HRH2: variants seen among roughly 807,000 people sequenced by gnomAD.
HRH2 encodes the protein histamine H2 receptor.
A neutral mutation model predicts 20.1 loss-of-function variants in HRH2; 4 were observed. The observed-to-expected ratio is 0.20, with a 90% CI of 0.10 to 0.45. The LOEUF (loss-of-function observed/expected upper bound fraction) is 0.45. HRH2 is among the 20% of genes least tolerant of loss of function. The probability of loss-of-function intolerance (pLI) is 0.99; values close to 1 mark genes in which losing one functional copy is unlikely to be tolerated. For synonymous variants in HRH2, 197 were observed against 200.7 expected (o/e 0.98, Z 0.16); for missense variants, 250 against 461.6 (o/e 0.54, Z 4.20).
intron 1 of HRH2, among the ~76,000 whole-genome samples, chr5:175,672,570 T>A (rs1002000635): frequency 1.3e-5 from 2 of 152,234 alleles, no homozygotes; most frequent in African/African-American, 4.8e-5. Context: ...TACCTGACAC[T>A]TTCAAAGTAC....
At chr5:175,701,897 A>G (rs1464606683) in intron 2 of HRH2, among the ~76,000 whole-genome samples, 1 of 152,236 alleles carries the variant, frequency 6.6e-6, no homozygotes, top group East Asian at 1.9e-4. Context: ...AATAGCTTCC[A>G]GTGTTCTGGC....
intron 1 of HRH2, among the ~76,000 whole-genome samples, chr5:175,678,659 G>A (rs1228610356): frequency 6.6e-6 from 1 of 152,342 alleles, no homozygotes; most frequent in East Asian, 1.9e-4. Flanking sequence ...AAGGGGCGTC[G>A]GGCACAGCGG....
intron 2 of HRH2, among the ~76,000 whole-genome samples, chr5:175,703,454 GCT>G (rs1282591911): frequency 6.6e-6 from 1 of 152,084 alleles, no homozygotes; most frequent in African/African-American, 2.4e-5. Context: ...AGCCATAATG[GCT>G]CATATTTTTA....
chr5:175,689,434 G>T (rs560406306), intron 2 of HRH2, among the ~76,000 whole-genome samples: 3 of 152,214 alleles, frequency 2.0e-5, no homozygotes, highest in African/African-American at 7.2e-5. Flanking sequence ...ACCCTAACAC[G>T]TGGCACTGTG....
intron 1 of HRH2, among the ~76,000 whole-genome samples, chr5:175,675,048 C>T (rs1195044122): frequency 6.6e-6 from 1 of 152,210 alleles, no homozygotes; most frequent in Non-Finnish European, 1.5e-5. Context: ...GCTGACAGAC[C>T]TCGGTTCAAA....
At chr5:175,694,472 C>A (rs1756501528) in intron 2 of HRH2, among the ~76,000 whole-genome samples, 1 of 152,128 alleles carries the variant, frequency 6.6e-6, no homozygotes, top group Admixed American at 6.5e-5. Flanking sequence ...TCTCCCTGGC[C>A]CTATCCAAAG....
At chr5:175,690,785 A>G (rs1248611851) in intron 2 of HRH2, among the ~76,000 whole-genome samples, 1 of 151,830 alleles carries the variant, frequency 6.6e-6, no homozygotes, top group Non-Finnish European at 1.5e-5. Context: ...GCACCTTCAC[A>G]CCGAGGTGGC....
chr5:175,701,505 G>A (rs769057241), intron 2 of HRH2, among the ~76,000 whole-genome samples: 4 of 152,124 alleles, frequency 2.6e-5, no homozygotes, highest in East Asian at 1.9e-4. Context: ...ATCCTCAGCC[G>A]GAGTCTTCCC....
At chr5:175,697,556 C>T (rs1233630411) in intron 2 of HRH2, among the ~76,000 whole-genome samples, 2 of 151,986 alleles carry the variant, frequency 1.3e-5, no homozygotes, top group Non-Finnish European at 2.9e-5. Flanking sequence ...ATATGCCTTG[C>T]CAGAGAGGCA....
Position 175,708,764 on chromosome 5 carries a change from C to T in HRH2, c.*793C>T, listed in dbSNP as rs1757017231. On this transcript the variant is annotated 3_prime_UTR_variant, in exon 3 of 3. Transcript: ENST00000636584. Reference sequence around the variant, plus strand: ...CTTGACTCAGCCACCTTCCTCCTAGCAAGGCTTAGACCCCCAGGCTCTGGG... The same window carrying T: ...CTTGACTCAGCCACCTTCCTCCTAGTAAGGCTTAGACCCCCAGGCTCTGGG... The T allele has an allele frequency of 6.6e-6, 1 of 152,234 alleles. No individual in the cohort carries two copies. The highest frequency in any genetic ancestry group is 1.5e-5 in the Non-Finnish European group (1 of 68,090). 9.4% of individuals were successfully genotyped at this position (152,234 alleles called of 1,614,324 possible).
In HRH2 at chr5:175,687,072, T is replaced by C. The variant is rs1398138814; in HGVS notation, c.1076+2763T>C. On this transcript the variant is annotated intron_variant, in intron 2 of 2. Transcript: ENST00000636584. The surrounding 1 kb of genome is among the most constrained non-coding windows in gnomAD (Gnocchi z 5.2). ...GGGCCAGATCCGAGTCCAGAGCCCA[T>C]GCTCCTGGAGATCACGGCTATGGTC... 6.6e-6 allele frequency among the ~76,000 whole-genome samples: 1 copy of C among 152,104 alleles called. No individual in the cohort carries two copies. Among genetic ancestry groups the C allele is most frequent in the South Asian group, 2.1e-4 (1 of 4,824 alleles).
chr5:175,659,024 C>T (rs935562486), intron 1 of HRH2, among the ~76,000 whole-genome samples: 1 of 152,188 alleles, frequency 6.6e-6, no homozygotes, highest in African/African-American at 2.4e-5. Flanking sequence ...GCGGTTGCCT[C>T]TTGGGAAGTC....
At chr5:175,703,972 G>A (rs1021921380) in intron 2 of HRH2, 4 of 152,130 alleles carry the variant, frequency 2.6e-5, no homozygotes, top group Non-Finnish European at 5.9e-5. Flanking sequence ...GTGCAAGTAT[G>A]ACATGCAAAT....
At chr5:175,660,242 A>T (rs1017749241) in intron 1 of HRH2, among the ~76,000 whole-genome samples, 1 of 152,208 alleles carries the variant, frequency 6.6e-6, no homozygotes, top group Non-Finnish European at 1.5e-5. Context: ...CAGGCTAGAG[A>T]GGTTCCTTTG....
At chr5:175,702,313 A>C (rs1756811519) in intron 2 of HRH2, among the ~76,000 whole-genome samples, 1 of 152,202 alleles carries the variant, frequency 6.6e-6, no homozygotes, top group Admixed American at 6.5e-5. Flanking sequence ...CAGATGGAAG[A>C]AATGAATGAA....
At position 175,693,217 on chromosome 5, in the gene HRH2, C is replaced by T. The variant is rs915320639; in HGVS notation, c.1076+8908C>T. 1.3e-5 allele frequency among the ~76,000 whole-genome samples: 2 copies of T among 152,286 alleles called. No individual in the cohort carries two copies. Among genetic ancestry groups the T allele is most frequent in the East Asian group, 1.9e-4 (1 of 5,174 alleles). Reference sequence around the variant, plus strand: ...CCTGTTTTGGGGGCTTCATTACGCTCGCAGTGGCTGTTTGTGGCAGAGCAT... The same window carrying T: ...CCTGTTTTGGGGGCTTCATTACGCTTGCAGTGGCTGTTTGTGGCAGAGCAT... On this transcript the variant is annotated intron_variant, in intron 2 of 2. Coordinates refer to ENST00000636584, the MANE Select transcript of HRH2 (RefSeq NM_001367711.1). The surrounding 1 kb of genome is among the most constrained non-coding windows in gnomAD (Gnocchi z 4.4).
intron 2 of HRH2, among the ~76,000 whole-genome samples, chr5:175,702,093 G>T (rs1034796497): frequency 2.0e-5 from 3 of 152,128 alleles, no homozygotes; most frequent in Non-Finnish European, 4.4e-5. Flanking sequence ...TGCACGGCAT[G>T]GGGGGCAAGT....
At position 175,677,363 on chromosome 5, in the gene HRH2, G is replaced by T. The variant is rs1262864883; in HGVS notation, c.-525-5346G>T. Among the ~76,000 whole-genome samples, 1 of 152,232 alleles carries T rather than the reference G, an allele frequency of 6.6e-6. No homozygotes were observed. The highest frequency in any genetic ancestry group is 1.5e-5 in the Non-Finnish European group (1 of 68,034). On this transcript the variant is annotated intron_variant, in intron 1 of 2. Transcript: ENST00000636584. The surrounding 1 kb of genome is among the most constrained non-coding windows in gnomAD (Gnocchi z 4.2). ...TATCTTAGCTACTGTGAATAGTGCT[G>T]TGAAAAACATGAGCTCAGGTATCTT...
At chr5:175,685,320 G>A in intron 2 of HRH2, 1 of 1,280,808 alleles carries the variant, frequency 7.8e-7, no homozygotes, top group Admixed American at 2.2e-5. Context: ...GGCTTTAGCT[G>A]CTGAAAAGAG....
Sources: gnomAD v4.1 joint callset for allele counts (sites outside exome capture counted in the v4.1 genomes callset) on GRCh38, gnomAD v4.1.1 for gene constraint, Gnocchi (gnomAD v3.1) non-coding constraint, MANE v1.5 for transcripts, NCBI Gene and HGNC (gene_info 2026-07-23, HGNC 2026-07-21) for gene names.